XPR1: variants seen among roughly 807,000 people sequenced by gnomAD.
The protein encoded by XPR1 is xenotropic and polytropic retrovirus receptor 1, also known as solute carrier family 53 member 1.
A neutral mutation model predicts 87.5 loss-of-function variants in XPR1; 28 were observed. The observed-to-expected ratio is 0.32, with a 90% CI of 0.24 to 0.44. The LOEUF is 0.44. Ranked by LOEUF, XPR1 falls within the 20% of genes least tolerant of loss-of-function variation. The probability of loss-of-function intolerance (pLI) is 1.00; values close to 1 mark genes in which losing one functional copy is unlikely to be tolerated. For missense variants in XPR1, 559 were observed against 862.3 expected (o/e 0.65, Z 4.41); for synonymous variants, 300 against 306.1 (o/e 0.98, Z 0.21).
At chr1:180,702,616 A>G (rs1304581069) in intron 2 of XPR1, among the ~76,000 whole-genome samples, 4 of 151,346 alleles carry the variant, frequency 2.6e-5, no homozygotes, top group African/African-American at 9.7e-5. Context: ...TTCATTGACT[A>G]CTTCAGTTCT....
chr1:180,663,845 G>A (rs923291360), intron 1 of XPR1, among the ~76,000 whole-genome samples: 11 of 152,202 alleles, frequency 7.2e-5, no homozygotes, highest in Admixed American at 3.9e-4. Context: ...CTGAGCAGGC[G>A]CTGAAACCAT....
chr1:180,697,957 G>C (rs1305439442), intron 2 of XPR1, among the ~76,000 whole-genome samples: 1 of 151,998 alleles, frequency 6.6e-6, no homozygotes, highest in East Asian at 1.9e-4. Context: ...GTGTCTGTTG[G>C]GTCCATCTAG....
At chr1:180,653,986 G>A (rs928969141) in intron 1 of XPR1, among the ~76,000 whole-genome samples, 1 of 152,140 alleles carries the variant, frequency 6.6e-6, no homozygotes, top group Non-Finnish European at 1.5e-5. Context: ...TGAGGAAAGC[G>A]AAACCTCGGA....
intron 11 of XPR1, among the ~76,000 whole-genome samples, chr1:180,849,021 A>C (rs1651780532): frequency 6.6e-6 from 1 of 152,222 alleles, no homozygotes; most frequent in Non-Finnish European, 1.5e-5. Context: ...ATACTTCCTA[A>C]GTATAGCAAA....
intron 2 of XPR1, among the ~76,000 whole-genome samples, chr1:180,755,310 A>C (rs1258486593): frequency 6.6e-6 from 1 of 152,230 alleles, no homozygotes; most frequent in African/African-American, 2.4e-5. Flanking sequence ...AGTTTATTTC[A>C]GTGCAGTTAA....
intron 1 of XPR1, among the ~76,000 whole-genome samples, chr1:180,668,953 C>G (rs1004663026): frequency 1.3e-4 from 20 of 151,724 alleles, no homozygotes; most frequent in African/African-American, 4.8e-4. Flanking sequence ...AGCTGGGCTG[C>G]TGGCAGGCGC....
At chr1:180,785,021 G>GTGTGTGTGTGTGTGTGTC (rs1649086214) in intron 2 of XPR1, among the ~76,000 whole-genome samples, 1 of 150,104 alleles carries the variant, frequency 6.7e-6, no homozygotes, top group Non-Finnish European at 1.5e-5. Context: ...TTGTGTGTGT[G>GTGTGTGTGTGTGTGTGTC]TGTGTGTGTG....
At chr1:180,779,168 T>G (rs1044511469) in intron 2 of XPR1, among the ~76,000 whole-genome samples, 1 of 152,190 alleles carries the variant, frequency 6.6e-6, no homozygotes, top group Non-Finnish European at 1.5e-5. Context: ...TGATCATTTC[T>G]TACTCTGCCA....
At chr1:180,673,732 T>A (rs752611918) in intron 1 of XPR1, among the ~76,000 whole-genome samples, 4 of 152,228 alleles carry the variant, frequency 2.6e-5, no homozygotes, top group African/African-American at 4.8e-5. Flanking sequence ...TGGAACAGTT[T>A]CATTTCCCCT....
intron 2 of XPR1, among the ~76,000 whole-genome samples, chr1:180,683,713 C>T (rs1203289575): frequency 6.6e-6 from 1 of 152,076 alleles, no homozygotes; most frequent in African/African-American, 2.4e-5. Context: ...TCTCTGATGG[C>T]CAGTGATGAT....
In XPR1 at chr1:180,717,501, G is replaced by GT. The variant is rs1249416099; in HGVS notation, c.121+35098dup. On this transcript the variant is annotated intron_variant, in intron 2 of 14. Transcript: ENST00000367590. Reference sequence around the variant, plus strand: ...TGACAGATTAGTGGCAGCCAAAAGTGTTTTTTTTCTGAACATGTACCTCAG... The same window carrying GT: ...TGACAGATTAGTGGCAGCCAAAAGTGTTTTTTTTTCTGAACATGTACCTCAG... Among the ~76,000 whole-genome samples the GT allele has an allele frequency of 1.4e-4, 21 of 151,738 alleles. No homozygotes were observed. The South Asian group carries it at 3.8e-3, about 27-fold the overall frequency.
chr1:180,788,969 G>A (rs140513498), intron 3 of XPR1, among the ~76,000 whole-genome samples: 5 of 152,232 alleles, frequency 3.3e-5, no homozygotes, highest in African/African-American at 1.2e-4. Context: ...ATCTTACTCA[G>A]ATATCCTTTT....
chr1:180,787,252 G>A (rs2102089926), intron 2 of XPR1, among the ~76,000 whole-genome samples: 1 of 151,420 alleles, frequency 6.6e-6, no homozygotes, highest in South Asian at 2.1e-4. Context: ...ACTTAAAGAA[G>A]GTTTGTGTGT....
intron 12 of XPR1, among the ~76,000 whole-genome samples, chr1:180,872,987 C>G (rs531377008): frequency 5.3e-5 from 8 of 151,326 alleles, no homozygotes; most frequent in Non-Finnish European, 1.2e-4. Context: ...AGCATTCTCA[C>G]AATGACTAGT....
intron 2 of XPR1, among the ~76,000 whole-genome samples, chr1:180,732,949 GT>G (rs1243049001): frequency 4.6e-5 from 7 of 152,138 alleles, no homozygotes; most frequent in Admixed American, 3.9e-4. Context: ...TTTTCCCCTG[GT>G]GTCTGGCCGC....
In XPR1 at chr1:180,670,833, A is replaced by G. The variant is rs1325612477; in HGVS notation, c.70-11527A>G. Among the ~76,000 whole-genome samples, 5 of 152,256 alleles carry G rather than the reference A, an allele frequency of 3.3e-5. No homozygotes were observed. The East Asian group carries it at 5.8e-4, about 18-fold the overall frequency. ...TCTTCAGCTGTTTGAGAATGTCCTA[A>G]TTTCTCCCTCAATTTTGAAGGACGT... On this transcript the variant is annotated intron_variant, in intron 1 of 14. Transcript: ENST00000367590.
chr1:180,753,109 C>G (rs1008971477), intron 2 of XPR1, among the ~76,000 whole-genome samples: 6 of 152,216 alleles, frequency 3.9e-5, no homozygotes, highest in Non-Finnish European at 7.3e-5. Flanking sequence ...TGTTGGCAAT[C>G]ACTTTGAGCC....
intron 9 of XPR1, among the ~76,000 whole-genome samples, chr1:180,832,003 A>G (rs1431735357): frequency 6.6e-6 from 1 of 152,084 alleles, no homozygotes; most frequent in African/African-American, 2.4e-5. Context: ...ACTAATTTAT[A>G]CTCCCACCAA....
At chr1:180,773,380 A>G (rs1302774750) in intron 2 of XPR1, among the ~76,000 whole-genome samples, 1 of 152,214 alleles carries the variant, frequency 6.6e-6, no homozygotes, top group Non-Finnish European at 1.5e-5. Flanking sequence ...TTAAAGCTGA[A>G]GAGAAGTAGC....
Sources: allele counts gnomAD v4.1 joint callset (sites outside exome capture counted in the v4.1 genomes callset), GRCh38; gene constraint gnomAD v4.1.1; transcripts MANE v1.5; gene names NCBI Gene and HGNC (gene_info 2026-07-23, HGNC 2026-07-21).